The following TMEM270 variants were observed in gnomAD, a reference collection of about 807,000 sequenced individuals.
TMEM270 encodes Williams-Beuren syndrome chromosome region 28.
TMEM270 carries 30 observed loss-of-function variants against 29.9 expected under a neutral mutation model. The observed-to-expected ratio is 1.00, with a 90% confidence interval of 0.75 to 1.36. TMEM270 has a LOEUF of 1.36. Among genes scored for constraint, TMEM270 ranks in the 40% most tolerant of loss-of-function variants. The probability of loss-of-function intolerance (pLI) is 0.00; values close to 1 mark genes in which losing one functional copy is unlikely to be tolerated. For missense variants in TMEM270, 313 were observed against 307.1 expected (o/e 1.02, Z -0.14); for synonymous variants, 135 against 139.8 (o/e 0.97, Z 0.24).
In TMEM270 at chr7:73,865,725, C is replaced by T. The variant is rs563694360; in HGVS notation, c.650C>T (p.Ala217Val). 2 of 1,614,146 alleles carry T rather than the reference C, an allele frequency of 1.2e-6. No homozygotes were observed. Among genetic ancestry groups the T allele is most frequent in the East Asian group, 2.2e-5 (1 of 44,880 alleles). ...TTCLASHLLQ[A>V]AFEHTTQLAE... ...TGCCTGGCCTCCCACCTGCTGCAGG[C>T]TGCCTTTGAGCACACGACCCAGCTG... Residue 217 changes from alanine (A) to valine (V), a missense_variant, in exon 3 of 3, where the codon GCT (alanine) becomes GTT (valine). By Grantham distance (64) the Ala-to-Val change is moderately conservative. Coordinates refer to ENST00000320531, the MANE Select transcript of TMEM270 (RefSeq NM_182504.4).
At chr7:73,861,291 G>C in intron 1 of TMEM270, 25 bp downstream of exon 1, 4 of 1,456,972 alleles carry the variant, frequency 2.7e-6, no homozygotes, top group African/African-American at 2.7e-5. Flanking sequence ...GGGGTAAGTG[G>C]GGTGGGGACC....
In TMEM270 at chr7:73,864,869, T is replaced by C. The variant is rs576489481; in HGVS notation, c.73-124T>C. On this transcript the variant is annotated intron_variant, in intron 1 of 2. Transcript: ENST00000320531. ...AGTGAGCCGAGATAGCGCCATTGCA[T>C]TCCAGCCTGGGCAACAAGAGTGAAA... 39 of 888,250 alleles carry C rather than the reference T, an allele frequency of 4.4e-5. No individual in the cohort carries two copies. In the South Asian group the frequency reaches 9.7e-4, roughly 22 times the overall value. 55.0% of individuals were successfully genotyped at this position (888,250 alleles called of 1,614,324 possible).
At chr7:73,861,129 C>T (rs1314760388), upstream of TMEM270, 6 of 1,551,088 alleles carry the variant, frequency 3.9e-6, no homozygotes, top group Non-Finnish European at 5.3e-6. Flanking sequence ...TAACTTGGTC[C>T]CCACCCTGTG....
chr7:73,864,927 A>G, intron 1 of TMEM270, 66 bp from the exon 2 acceptor site: 1 of 1,334,684 alleles, frequency 7.5e-7, no homozygotes. Context: ...AGAAAAAGAA[A>G]AAGTGGGGTT....
At chr7:73,865,470 A>T in intron 2 of TMEM270, 49 bp downstream of exon 2, 1 of 1,585,760 alleles carries the variant, frequency 6.3e-7, no homozygotes. Flanking sequence ...AACCTGGGGT[A>T]CTGGGTGTGG....
intron 1 of TMEM270, among the ~76,000 whole-genome samples, chr7:73,862,051 C>T (rs1191480054): frequency 2.0e-5 from 3 of 151,664 alleles, no homozygotes; most frequent in African/African-American, 7.3e-5. Context: ...CCCGCCTCAG[C>T]TCCCCAAAGT....
Position 73,864,992 on chromosome 7 carries a change from G to A in TMEM270, c.73-1G>A. The stretch of plus-strand genomic sequence containing the variant: ...GGTTGTCTCTCTCTCTTCTTCTGCA[G>A]TTGGTTCAGAACCGAGATCACCTCT... On this transcript the variant is annotated splice_acceptor_variant, in intron 1 of 2. Coordinates refer to ENST00000320531, the MANE Select transcript of TMEM270 (RefSeq NM_182504.4). LOFTEE classifies it high-confidence loss of function. 1 of 1,478,984 alleles carries A rather than the reference G, an allele frequency of 6.8e-7. No homozygotes were observed. Among genetic ancestry groups the A allele is most frequent in the Non-Finnish European group, 9.0e-7 (1 of 1,112,032 alleles). 91.6% of individuals were successfully genotyped at this position (1,478,984 alleles called of 1,614,324 possible). A position where few individuals can be genotyped will look rare whatever the true frequency, so the allele number is the denominator to read the frequency against.
chr7:73,865,267 C>T lies in TMEM270; in HGVS notation c.347C>T (p.Ala116Val), dbSNP rs1788879044. 3 of 1,613,468 alleles carry T rather than the reference C, an allele frequency of 1.9e-6. No individual in the cohort carries two copies. Among genetic ancestry groups the T allele is most frequent in the African/African-American group, 1.3e-5 (1 of 75,056 alleles). Residue 116 changes from alanine (A) to valine (V), a missense_variant, in exon 2 of 3, where the codon GCC (alanine) becomes GTC (valine). By Grantham distance (64) the Ala-to-Val change is moderately conservative. Transcript: ENST00000320531. Reference protein sequence around the residue: ...TKGLGLALLSAWEQLGLSVAI... With the variant: ...TKGLGLALLSVWEQLGLSVAI... ...GGCCTGGGCCTGGCCTTGCTCAGTGCCTGGGAGCAGCTGGGCCTGTCTGTG... is the reference window on the plus strand; with the variant it reads ...GGCCTGGGCCTGGCCTTGCTCAGTGTCTGGGAGCAGCTGGGCCTGTCTGTG...
intron 1 of TMEM270, among the ~76,000 whole-genome samples, chr7:73,863,434 G>A (rs985991957): frequency 1.3e-5 from 2 of 150,500 alleles, no homozygotes; most frequent in Non-Finnish European, 1.5e-5. Context: ...CTGTTACCCA[G>A]GCTGGAGTGC....
chr7:73,861,228 T>G lies in TMEM270; in HGVS notation c.34T>G (p.Leu12Val). ...CCTTCCTCCAGTCAGATCCAGCCTT[T>G]TGGGGATCCTGTTGCAGGTTACGAG... Reference protein sequence around the residue: ...EALPPVRSSLLGILLQVTRLS... With the variant: ...EALPPVRSSLVGILLQVTRLS... The change falls in exon 1 of 3, where the codon TTG (leucine) becomes GTG (valine). Residue 12 changes from leucine (L) to valine (V), a missense_variant. Transcript: ENST00000320531. 6.2e-7 allele frequency: 1 copy of G among 1,613,532 alleles called. No homozygotes were observed. Among genetic ancestry groups the G allele is most frequent in the Non-Finnish European group, 8.5e-7 (1 of 1,179,618 alleles).
At chr7:73,863,784 C>G (rs1554639597) in intron 1 of TMEM270, among the ~76,000 whole-genome samples, 1 of 152,150 alleles carries the variant, frequency 6.6e-6, no homozygotes, top group Non-Finnish European at 1.5e-5. Context: ...TCTCACGCCT[C>G]CCTGCCCCTA....
intron 1 of TMEM270, 157 bp downstream of exon 1, chr7:73,861,423 A>G: frequency 1.5e-6 from 1 of 668,058 alleles, no homozygotes; most frequent in South Asian, 1.7e-5. Flanking sequence ...CAGAAGCCCC[A>G]CTCCAAACTA....
At chr7:73,863,759 C>A in intron 1 of TMEM270, among the ~76,000 whole-genome samples, 1 of 152,094 alleles carries the variant, frequency 6.6e-6, no homozygotes, top group East Asian at 1.9e-4. Flanking sequence ...AATTATGTGA[C>A]CCCTGCCCCA....
intron 1 of TMEM270, among the ~76,000 whole-genome samples, chr7:73,863,292 A>G (rs1554639541): frequency 6.6e-6 from 1 of 152,112 alleles, no homozygotes; most frequent in Admixed American, 6.6e-5. Context: ...CCAGGACTCA[A>G]GAACAGCTTT....
chr7:73,864,609 A>G (rs114659466), intron 1 of TMEM270, among the ~76,000 whole-genome samples: 303 of 152,068 alleles, frequency 2.0e-3, no homozygotes, highest in African/African-American at 6.8e-3. Flanking sequence ...CTACAGTAAA[A>G]GTGGGGTTCC....
intron 1 of TMEM270, among the ~76,000 whole-genome samples, chr7:73,862,170 C>T (rs1362647431): frequency 3.3e-5 from 5 of 150,352 alleles, no homozygotes; most frequent in Non-Finnish European, 5.9e-5. Context: ...TGTAATGGTG[C>T]GATCTCGGCT....
At chr7:73,861,861 C>T (rs1056689201) in intron 1 of TMEM270, among the ~76,000 whole-genome samples, 2 of 151,996 alleles carry the variant, frequency 1.3e-5, no homozygotes, top group South Asian at 2.1e-4. Context: ...TGCAGTGGTG[C>T]GATCTCGGCT....
chr7:73,861,530 G>GCCTCCAACTCCCGGTCTCAAGCAAT, intron 1 of TMEM270: 1 of 604,130 alleles, frequency 1.7e-6, no homozygotes, highest in Non-Finnish European at 3.1e-6. Flanking sequence ...GCTCGTTGCA[G>GCCTCCAACTCCCGGTCTCAAGCAAT]CCTCCAACTC....
At position 73,865,160 on chromosome 7, in the gene TMEM270, G is replaced by T; in HGVS notation, c.240G>T (p.Gly80=). The change falls in exon 2 of 3, where the codon GGG becomes GGT. Residue 80 remains glycine, a synonymous_variant. Transcript: ENST00000320531. ...ACPLGQALWA[G]LALIQVPVWL... The stretch of plus-strand genomic sequence containing the variant: ...CCCTGGGCCAGGCTCTCTGGGCTGG[G>T]CTGGCTCTGATACAGGTCCCCGTAT... The T allele has an allele frequency of 1.2e-6, 2 of 1,612,042 alleles. No individual in the cohort carries two copies. Among genetic ancestry groups the T allele is most frequent in the Non-Finnish European group, 1.7e-6 (2 of 1,178,470 alleles).
Sources: allele counts gnomAD v4.1 joint callset (sites outside exome capture counted in the v4.1 genomes callset), GRCh38; gene constraint gnomAD v4.1.1; transcripts MANE v1.5; gene names NCBI Gene and HGNC (gene_info 2026-07-23, HGNC 2026-07-21).